Variants in CDK12 observed in about 807,000 individuals in gnomAD.
The protein encoded by CDK12 is cyclin dependent kinase 12.
A neutral mutation model predicts 133.8 loss-of-function variants in CDK12; 17 were observed. The ratio of observed to expected loss-of-function variants is 0.13; its 90% CI spans 0.09 to 0.19. The LOEUF is 0.19. Ranked by LOEUF, CDK12 falls within the 10% of genes least tolerant of loss-of-function variation. The pLI, the probability that CDK12 is intolerant of heterozygous loss-of-function variation, is 1.00. For synonymous variants in CDK12, 694 were observed against 683.6 expected, an observed-to-expected ratio of 1.02 and a Z score of -0.24; for missense variants, 1,508 against 1,818.7, an observed-to-expected ratio of 0.83 and a Z score of 3.11.
At chr17:39,524,930 G>A (rs758054329) in intron 12 of CDK12, 45 bp downstream of exon 12, 2 of 1,540,954 alleles carry the variant, frequency 1.3e-6, no homozygotes, top group East Asian at 2.3e-5. Flanking sequence ...AAGCGTATTT[G>A]GCAGGTTTTG....
chr17:39,544,505 T>C, upstream of CDK12: 1 of 290,800 alleles, frequency 3.4e-6, no homozygotes, highest in East Asian at 7.0e-5. Context: ...TGAGACAGAG[T>C]CTCACTCTGC....
In CDK12 at chr17:39,524,177, G is replaced by GA. The variant is rs564817520; in HGVS notation, c.3096-495dup. 3.0e-3 allele frequency among the ~76,000 whole-genome samples: 454 copies of GA among 152,316 alleles called. 1 individual carries two copies. The highest frequency in any genetic ancestry group is 0.01 in the African/African-American group (422 of 41,556). On this transcript the variant is annotated intron_variant, in intron 11 of 13. Coordinates refer to ENST00000447079, the MANE Select transcript of CDK12 (RefSeq NM_016507.4). ...AAATTCTGTGGGCAGAAAGGGGAAAGAACTAGTCTTTGGTCCTCACAAACC... is the reference window on the plus strand; with the variant it reads ...AAATTCTGTGGGCAGAAAGGGGAAAGAAACTAGTCTTTGGTCCTCACAAACC...
At position 39,531,913 on chromosome 17, in the gene CDK12, C is replaced by T. The variant is rs2054865268; in HGVS notation, c.*597C>T. 1 of 233,786 alleles carries T rather than the reference C, an allele frequency of 4.3e-6. No individual in the cohort carries two copies. Among genetic ancestry groups the T allele is most frequent in the Non-Finnish European group, 8.5e-6 (1 of 118,062 alleles). The allele number at this position is 233,786 out of a possible 1,614,324, so 14.5% of individuals were successfully genotyped here. On this transcript the variant is annotated 3_prime_UTR_variant, in exon 14 of 14. Transcript: ENST00000447079. ...TGCTTTTAAGTGAACACTTTTTCCC[C>T]ATTGAGCATCTTGAACATACTTTTT...
Position 39,461,758 on chromosome 17 carries a change from C to T in CDK12, c.-314C>T. On this transcript the variant is annotated 5_prime_UTR_variant, in exon 1 of 14. Coordinates refer to ENST00000447079, the MANE Select transcript of CDK12 (RefSeq NM_016507.4). Reference sequence around the variant, plus strand: ...GCCGTCGGCTTCTCACTTCCTGGACCTCCCCGGCGCCCGGGCCTGAGGACT... The same window carrying T: ...GCCGTCGGCTTCTCACTTCCTGGACTTCCCCGGCGCCCGGGCCTGAGGACT... 2.5e-6 allele frequency: 1 copy of T among 400,668 alleles called. No homozygotes were observed. Among genetic ancestry groups the T allele is most frequent in the Non-Finnish European group, 4.6e-6 (1 of 219,586 alleles). 24.8% of individuals were successfully genotyped at this position (400,668 alleles called of 1,614,324 possible).
chr17:39,510,114 C>CTCTTT (rs1555569938), intron 7 of CDK12, among the ~76,000 whole-genome samples: 2 of 125,480 alleles, frequency 1.6e-5, no homozygotes, highest in African/African-American at 6.5e-5. Context: ...CAATCTCTCT[C>CTCTTT]TTTTTTTTTT....
intron 1 of CDK12, among the ~76,000 whole-genome samples, chr17:39,541,431 G>C (rs1420175968): frequency 1.3e-5 from 2 of 149,154 alleles, no homozygotes; most frequent in African/African-American, 2.5e-5. Flanking sequence ...GCAGTGGCGC[G>C]ATCTCGGCTC....
intron 1 of CDK12, among the ~76,000 whole-genome samples, chr17:39,466,417 C>T (rs1211904784): frequency 6.6e-6 from 1 of 150,482 alleles, no homozygotes; most frequent in African/African-American, 2.4e-5. Context: ...GAGTTCGAGA[C>T]CAGCCTGACC....
chr17:39,545,783 T>G (rs2055663230), upstream of CDK12, among the ~76,000 whole-genome samples: 2 of 149,752 alleles, frequency 1.3e-5, no homozygotes, highest in Non-Finnish European at 3.0e-5. Context: ...TACAGGATTT[T>G]TTTTTCCTTC....
intron 3 of CDK12, among the ~76,000 whole-genome samples, chr17:39,491,943 A>G (rs950028217): frequency 2.0e-5 from 3 of 150,664 alleles, no homozygotes; most frequent in African/African-American, 7.3e-5. Flanking sequence ...CTTGACCAAC[A>G]TGGTGAAACC....
intron 2 of CDK12, among the ~76,000 whole-genome samples, chr17:39,555,828 T>TACACACACACACAC (rs60227908): frequency 5.5e-5 from 6 of 108,688 alleles, no homozygotes; most frequent in African/African-American, 2.2e-4. Flanking sequence ...ACCTCATCTC[T>TACACACACACACAC]ACACACACAC....
intron 6 of CDK12, among the ~76,000 whole-genome samples, chr17:39,503,546 G>C (rs2052881978): frequency 7.2e-6 from 1 of 139,556 alleles, no homozygotes; most frequent in Non-Finnish European, 1.7e-5. Flanking sequence ...TCCTCCATGA[G>C]GAGATGTCTC....
In CDK12 at chr17:39,470,982, A is replaced by G. The variant is rs2049750184; in HGVS notation, c.1150A>G (p.Ile384Val). ...RSSSRSRHSS[I>V]SPVRLPLNSS... is the part of the protein sequence containing the mutation. ...CAGTTCACGCAGTCGTCATTCCAGT[A>G]TCTCACCTGTCAGGCTTCCACTTAA... is the stretch of plus-strand genomic sequence containing the variant. The change falls in exon 2 of 14, where the codon ATC (isoleucine) becomes GTC (valine). Residue 384 changes from isoleucine to valine, a missense_variant. Physicochemically the swap from Ile to Val is conservative, Grantham distance 29 (BLOSUM62 3). Around this residue, in one of 9 missense-constraint regions of CDK12, gnomAD observed 460 missense variants for 490.8 expected, o/e 0.94. Coordinates refer to ENST00000447079, the MANE Select transcript of CDK12 (RefSeq NM_016507.4). 4 of 1,614,154 alleles carry G rather than the reference A, an allele frequency of 2.5e-6. No individual in the cohort carries two copies. The highest frequency in any genetic ancestry group is 3.4e-6 in the Non-Finnish European group (4 of 1,180,016).
At chr17:39,485,226 A>C (rs1409153817) in intron 2 of CDK12, among the ~76,000 whole-genome samples, 4 of 151,696 alleles carry the variant, frequency 2.6e-5, no homozygotes, top group African/African-American at 9.7e-5. Flanking sequence ...TGGATAAGAG[A>C]GTACCTAATC....
At chr17:39,521,416 C>G (rs1283731944) in intron 11 of CDK12, among the ~76,000 whole-genome samples, 2 of 151,692 alleles carry the variant, frequency 1.3e-5, no homozygotes, top group Non-Finnish European at 2.9e-5. Flanking sequence ...AATTACGCCA[C>G]CATGCCCGGC....
intron 2 of CDK12, among the ~76,000 whole-genome samples, chr17:39,473,967 G>A (rs2049998521): frequency 6.6e-6 from 1 of 152,164 alleles, no homozygotes; most frequent in Admixed American, 6.6e-5. Flanking sequence ...TGAGGTGGGA[G>A]GATTGCTTGA....
At chr17:39,494,857 C>T (rs1177160027) in intron 5 of CDK12, among the ~76,000 whole-genome samples, 163 bp downstream of exon 5, 1 of 151,216 alleles carries the variant, frequency 6.6e-6, no homozygotes, top group African/African-American at 2.4e-5. Flanking sequence ...GCAAGCTCCA[C>T]CTCCTGGGTT....
chr17:39,532,959 A>G lies in CDK12; in HGVS notation c.*1643A>G. The G allele has an allele frequency of 4.3e-6, 1 of 233,048 alleles. No individual in the cohort carries two copies. Among genetic ancestry groups the G allele is most frequent in the East Asian group, 6.0e-5 (1 of 16,614 alleles). The allele number at this position is 233,048 out of a possible 1,614,324, so 14.4% of individuals were successfully genotyped here. On this transcript the variant is annotated 3_prime_UTR_variant, in exon 14 of 14. Coordinates refer to ENST00000447079, the MANE Select transcript of CDK12 (RefSeq NM_016507.4). ...GTTAAGCCCCCTTTTACAAAGAAAA[A>G]GTAAACATACTTCAGCATCTTGGAG... is the stretch of plus-strand genomic sequence containing the variant.
At chr17:39,510,881 G>T (rs1271035170) in intron 7 of CDK12, among the ~76,000 whole-genome samples, 2 of 148,238 alleles carry the variant, frequency 1.3e-5, no homozygotes, top group Non-Finnish European at 3.0e-5. Context: ...CCAAAGTGCT[G>T]GGATTACGGG....
rs765737274 is a variant in CDK12 at position 39,470,981 on chromosome 17, T to G, written c.1149T>G (p.Ser383Arg). ...KRSSSRSRHS[S>R]ISPVRLPLNS... is the part of the protein sequence containing the mutation. ...CCAGTTCACGCAGTCGTCATTCCAGTATCTCACCTGTCAGGCTTCCACTTA... is the reference window on the plus strand; with the variant it reads ...CCAGTTCACGCAGTCGTCATTCCAGGATCTCACCTGTCAGGCTTCCACTTA... The change falls in exon 2 of 14, where the codon AGT (serine) becomes AGG (arginine). Residue 383 changes from serine (S) to arginine (R), a missense_variant. Physicochemically the swap from Ser to Arg is moderately radical, Grantham distance 110 (BLOSUM62 -1). Transcript: ENST00000447079. 6.2e-7 allele frequency: 1 copy of G among 1,614,174 alleles called. No homozygotes were observed. Among genetic ancestry groups the G allele is most frequent in the Non-Finnish European group, 8.5e-7 (1 of 1,180,016 alleles).
Sources: allele counts gnomAD v4.1 joint callset (sites outside exome capture counted in the v4.1 genomes callset), GRCh38; gene constraint gnomAD v4.1.1; regional missense constraint gnomAD v4.1.1; transcripts MANE v1.5; gene names NCBI Gene and HGNC (gene_info 2026-07-23, HGNC 2026-07-21).